The following RAP1GDS1 variants were observed in gnomAD, a reference collection of about 807,000 sequenced individuals.
The protein encoded by RAP1GDS1 is Rap1 GTPase-GDP dissociation stimulator 1.
A neutral mutation model predicts 71.1 loss-of-function variants in RAP1GDS1; 35 were observed. That is an observed-to-expected ratio of 0.49 (90% CI 0.38 to 0.65). RAP1GDS1 has a LOEUF of 0.65. Among genes scored for constraint, RAP1GDS1 ranks in the 30% least tolerant of loss-of-function variants. RAP1GDS1 has a pLI of 0.00. For missense variants in RAP1GDS1, 663 were observed against 706.1 expected, an observed-to-expected ratio of 0.94 and a Z score of 0.69; for synonymous variants, 229 against 243.1, an observed-to-expected ratio of 0.94 and a Z score of 0.54.
chr4:98,284,197 A>G (rs1386414899), intron 1 of RAP1GDS1, among the ~76,000 whole-genome samples: 1 of 152,142 alleles, frequency 6.6e-6, no homozygotes, highest in African/African-American at 2.4e-5. Context: ...TGATATCCAT[A>G]TAATTTTTAA....
chr4:98,358,840 A>G (rs1038704318), intron 4 of RAP1GDS1, among the ~76,000 whole-genome samples: 6 of 151,748 alleles, frequency 4.0e-5, no homozygotes, highest in Admixed American at 2.0e-4. Flanking sequence ...GAGTTATGCA[A>G]TGTTACCATT....
intron 1 of RAP1GDS1, among the ~76,000 whole-genome samples, chr4:98,266,794 C>T (rs907141723): frequency 3.3e-5 from 5 of 152,088 alleles, no homozygotes. Context: ...ATTATAATAG[C>T]CTTAACTCTT....
intron 3 of RAP1GDS1, among the ~76,000 whole-genome samples, chr4:98,344,084 G>A (rs1735904024): frequency 6.6e-6 from 1 of 152,148 alleles, no homozygotes. Flanking sequence ...GTTGGTTTGG[G>A]CTGGTAAAAC....
chr4:98,276,401 G>GT (rs1441141939), intron 1 of RAP1GDS1, among the ~76,000 whole-genome samples: 1 of 151,344 alleles, frequency 6.6e-6, no homozygotes, highest in Non-Finnish European at 1.5e-5. Flanking sequence ...TTTTGTAACG[G>GT]TTTTCCATTA....
intron 12 of RAP1GDS1, among the ~76,000 whole-genome samples, chr4:98,429,949 A>G (rs1417817165): frequency 6.6e-6 from 1 of 152,106 alleles, no homozygotes; most frequent in East Asian, 1.9e-4. Context: ...AAATATGTCC[A>G]CAGGAAGATA....
intron 9 of RAP1GDS1, among the ~76,000 whole-genome samples, chr4:98,417,900 C>T (rs1748242335): frequency 6.6e-6 from 1 of 151,918 alleles, no homozygotes; most frequent in Non-Finnish European, 1.5e-5. Context: ...ATGAATAATC[C>T]CCTGGCATCG....
intron 1 of RAP1GDS1, among the ~76,000 whole-genome samples, chr4:98,276,400 G>A (rs899223956): frequency 3.3e-5 from 5 of 151,786 alleles, no homozygotes; most frequent in African/African-American, 9.7e-5. Context: ...ATTTTGTAAC[G>A]GTTTTCCATT....
At chr4:98,341,426 T>C (rs1305452758) in intron 2 of RAP1GDS1, among the ~76,000 whole-genome samples, 1 of 152,226 alleles carries the variant, frequency 6.6e-6, no homozygotes, top group Non-Finnish European at 1.5e-5. Context: ...GACATTCCAC[T>C]ATGATATTAA....
intron 9 of RAP1GDS1, among the ~76,000 whole-genome samples, chr4:98,418,286 T>C (rs1263897332): frequency 6.6e-6 from 1 of 152,168 alleles, no homozygotes; most frequent in Non-Finnish European, 1.5e-5. Flanking sequence ...AATTTAGGTA[T>C]CAGCCATGAT....
chr4:98,435,855 A>G (rs1237501281), intron 13 of RAP1GDS1, among the ~76,000 whole-genome samples: 2 of 151,582 alleles, frequency 1.3e-5, no homozygotes, highest in Admixed American at 1.3e-4. Context: ...GTGGATCATG[A>G]GGTCAGGAGA....
intron 7 of RAP1GDS1, among the ~76,000 whole-genome samples, chr4:98,406,405 G>A (rs1230165009): frequency 1.3e-5 from 2 of 151,830 alleles, no homozygotes; most frequent in African/African-American, 2.4e-5. Flanking sequence ...TTAATATCAA[G>A]TAAAATAGAT....
At chr4:98,266,874 T>C (rs1722777324) in intron 1 of RAP1GDS1, among the ~76,000 whole-genome samples, 1 of 152,114 alleles carries the variant, frequency 6.6e-6, no homozygotes, top group East Asian at 1.9e-4. Flanking sequence ...GGGGAAATAG[T>C]GTGGATGCTC....
In RAP1GDS1 at chr4:98,443,042, G is replaced by C. The variant is rs1179304813; in HGVS notation, c.*925G>C. The C allele has an allele frequency of 1.9e-5, 2 of 105,500 alleles. No homozygotes were observed. The highest frequency in any genetic ancestry group is 3.5e-5 in the Non-Finnish European group (2 of 57,336). 6.5% of individuals were successfully genotyped at this position (105,500 alleles called of 1,614,324 possible). A position where few individuals can be genotyped will look rare whatever the true frequency, so the allele number is the denominator to read the frequency against. Reference sequence around the variant, plus strand: ...TTTTTTTTTTTTTTTTTTTTTTGCTGTTTTTCATCATTCAGCTAGAAAGTG... The same window carrying C: ...TTTTTTTTTTTTTTTTTTTTTTGCTCTTTTTCATCATTCAGCTAGAAAGTG... On this transcript the variant is annotated 3_prime_UTR_variant, in exon 15 of 15. Transcript: ENST00000408927.
Position 98,287,816 on chromosome 4 carries a change from G to A in RAP1GDS1, c.5-5592G>A, listed in dbSNP as rs532549220. ...TTTTTTCAGATCATGTGTACATAATGTATGTTCACAAAACATATTTAGTAT... is the reference window on the plus strand; with the variant it reads ...TTTTTTCAGATCATGTGTACATAATATATGTTCACAAAACATATTTAGTAT... On this transcript the variant is annotated intron_variant, in intron 1 of 14. Coordinates refer to ENST00000408927, the MANE Select transcript of RAP1GDS1 (RefSeq NM_001100427.2). Among the ~76,000 whole-genome samples the A allele has an allele frequency of 5.3e-5, 8 of 151,778 alleles. No homozygotes were observed. In the South Asian group the frequency reaches 1.7e-3, roughly 32 times the overall value.
At chr4:98,430,690 G>A (rs1392470751) in intron 12 of RAP1GDS1, among the ~76,000 whole-genome samples, 1 of 152,152 alleles carries the variant, frequency 6.6e-6, no homozygotes. Flanking sequence ...TATTACACTG[G>A]ACGTACTTTG....
chr4:98,384,266 A>G (rs2110113178), intron 5 of RAP1GDS1, among the ~76,000 whole-genome samples: 1 of 151,712 alleles, frequency 6.6e-6, no homozygotes, highest in East Asian at 1.9e-4. Flanking sequence ...TTTTTACTCC[A>G]GTGAGTTAAA....
At chr4:98,363,577 A>G (rs1456110355) in intron 4 of RAP1GDS1, among the ~76,000 whole-genome samples, 1 of 151,988 alleles carries the variant, frequency 6.6e-6, no homozygotes, top group African/African-American at 2.4e-5. Flanking sequence ...AGGTTATGCA[A>G]GATACTGTGA....
intron 7 of RAP1GDS1, among the ~76,000 whole-genome samples, chr4:98,408,868 C>T (rs918368364): frequency 6.6e-6 from 1 of 151,946 alleles, no homozygotes; most frequent in Non-Finnish European, 1.5e-5. Flanking sequence ...CTTAGGAAAA[C>T]AGGACTAGGA....
At chr4:98,387,155 A>G (rs895881897) in intron 5 of RAP1GDS1, among the ~76,000 whole-genome samples, 3 of 152,348 alleles carry the variant, frequency 2.0e-5, no homozygotes, top group African/African-American at 7.2e-5. Flanking sequence ...GTACTAATGT[A>G]CAGACTGTAT....
Sources: gnomAD v4.1 joint callset for allele counts (sites outside exome capture counted in the v4.1 genomes callset) on GRCh38, gnomAD v4.1.1 for gene constraint, MANE v1.5 for transcripts, NCBI Gene and HGNC (gene_info 2026-07-23, HGNC 2026-07-21) for gene names.